The following CSMD2 variants were observed in gnomAD, a reference collection of about 807,000 sequenced individuals.
The protein encoded by CSMD2 is CUB and Sushi multiple domains 2.
In CSMD2, 130 loss-of-function variants were observed where a neutral mutation model predicts 398.5. That is an observed-to-expected ratio of 0.33 (90% CI 0.28 to 0.38). The LOEUF (loss-of-function observed/expected upper bound fraction) is 0.38, where lower values mean the gene tolerates loss of function less well. Ranked by LOEUF, CSMD2 falls within the 10% of genes least tolerant of loss-of-function variation. The pLI, the probability that CSMD2 is intolerant of heterozygous loss-of-function variation, is 1.00. For missense variants in CSMD2, 3,829 were observed against 4,764.9 expected (o/e 0.80, Z 5.78); for synonymous variants, 1,828 against 1,908.5 (o/e 0.96, Z 1.10).
intron 1 of CSMD2, among the ~76,000 whole-genome samples, chr1:34,133,725 A>G (rs1234298596): frequency 1.3e-5 from 2 of 152,012 alleles, no homozygotes. Context: ...CCCATAGTAC[A>G]TCTTGCTACT....
At chr1:33,732,788 T>G (rs1306512277) in intron 15 of CSMD2, among the ~76,000 whole-genome samples, 1 of 152,202 alleles carries the variant, frequency 6.6e-6, no homozygotes, top group Non-Finnish European at 1.5e-5. Context: ...GAATAGGGAA[T>G]GGTGACAGAA....
chr1:33,740,733 G>C (rs1265366387), intron 14 of CSMD2, among the ~76,000 whole-genome samples: 1 of 152,324 alleles, frequency 6.6e-6, no homozygotes, highest in Admixed American at 6.5e-5. Flanking sequence ...ATGATGCTTG[G>C]GGCCCAGAAG....
In CSMD2 at chr1:33,569,145, A is replaced by G. The variant is rs139980864; in HGVS notation, c.8131+229T>C. 5.2e-3 allele frequency among the ~76,000 whole-genome samples: 793 copies of G among 152,344 alleles called. 4 individuals are homozygous for G. Among genetic ancestry groups the G allele is most frequent in the Non-Finnish European group, 8.5e-3 (580 of 68,026 alleles). On this transcript the variant is annotated intron_variant, in intron 52 of 70. Coordinates refer to ENST00000373381, the MANE Select transcript of CSMD2 (RefSeq NM_001281956.2). ...TTTCTAACCAGAATGAGAACCCCTC[A>G]AAAGCTTGTCTCTTTAGATCTGAGG... is the stretch of plus-strand genomic sequence containing the variant.
At chr1:34,094,294 C>G (rs1659006096) in intron 1 of CSMD2, among the ~76,000 whole-genome samples, 1 of 152,126 alleles carries the variant, frequency 6.6e-6, no homozygotes, top group African/African-American at 2.4e-5. Flanking sequence ...GTAGCAGCCA[C>G]TGCAAAATCA....
intron 51 of CSMD2, among the ~76,000 whole-genome samples, chr1:33,569,952 C>T (rs1214510903): frequency 1.3e-5 from 2 of 152,204 alleles, no homozygotes; most frequent in Non-Finnish European, 2.9e-5. Flanking sequence ...GCCCAGCAGC[C>T]TCACACTCTT....
In CSMD2 at chr1:33,707,695, GCACACACACA is replaced by G. The variant is rs200504764; in HGVS notation, c.3576+1384_3576+1393del. 8.1e-3 allele frequency among the ~76,000 whole-genome samples: 743 copies of G among 92,078 alleles called. 3 individuals carry two copies. The highest frequency in any genetic ancestry group is 0.015 in the African/African-American group (255 of 16,972). 60.4% of individuals were successfully genotyped at this position (92,078 alleles called of 152,430 possible). A position where few individuals can be genotyped will look rare whatever the true frequency, so the allele number is the denominator to read the frequency against. ...CGCACGCGTGCACACGCGCGCGCGC[GCACACACACA>G]CACACACACACACACACACACACAC... On this transcript the variant is annotated intron_variant, in intron 22 of 70. Transcript: ENST00000373381.
chr1:34,060,474 GC>G lies in CSMD2; in HGVS notation c.405-27769del, dbSNP rs554681311. 9.7e-3 allele frequency among the ~76,000 whole-genome samples: 1,470 copies of G among 152,278 alleles called. 21 individuals carry two copies. The highest frequency in any genetic ancestry group is 0.032 in the African/African-American group (1,310 of 41,562). On this transcript the variant is annotated intron_variant, in intron 2 of 70. Coordinates refer to ENST00000373381, the MANE Select transcript of CSMD2 (RefSeq NM_001281956.2). Reference sequence around the variant, plus strand: ...AAGACCGGGAGGCGGAGGATGCAGGGCCCCTGGGGGAGGACAGGCAACTGCG... The same window carrying G: ...AAGACCGGGAGGCGGAGGATGCAGGGCCCTGGGGGAGGACAGGCAACTGCG...
rs79327216 is a variant in CSMD2 at position 33,584,399 on chromosome 1, C to T, written c.7052-569G>A. Among the ~76,000 whole-genome samples the T allele has an allele frequency of 5.2e-3, 788 of 152,170 alleles. 10 individuals carry two copies. Among genetic ancestry groups the T allele is most frequent in the African/African-American group, 0.018 (756 of 41,520 alleles). ...TATATAAAATATTACATGCTGGGTG[C>T]GGAGGCTCATGCCTGTAATCCCAGC... On this transcript the variant is annotated intron_variant, in intron 46 of 70. Coordinates refer to ENST00000373381, the MANE Select transcript of CSMD2 (RefSeq NM_001281956.2).
intron 2 of CSMD2, among the ~76,000 whole-genome samples, chr1:34,051,909 T>C (rs950743353): frequency 2.0e-5 from 3 of 152,142 alleles, no homozygotes; most frequent in African/African-American, 7.2e-5. Flanking sequence ...AGATTAACAT[T>C]TGAATCAGTA....
chr1:33,550,048 G>C (rs899252063), intron 56 of CSMD2, 129 bp downstream of exon 56: 4 of 883,522 alleles, frequency 4.5e-6, no homozygotes, highest in Non-Finnish European at 7.1e-6. Context: ...TACCTGTTAG[G>C]GTAGATATAA....
chr1:33,641,902 G>A (rs1035901163), intron 29 of CSMD2, among the ~76,000 whole-genome samples: 3 of 152,150 alleles, frequency 2.0e-5, no homozygotes, highest in African/African-American at 4.8e-5. Flanking sequence ...CGTATTTACC[G>A]AATGAATAAA....
At chr1:33,908,165 T>C (rs1643230667) in intron 5 of CSMD2, among the ~76,000 whole-genome samples, 1 of 149,702 alleles carries the variant, frequency 6.7e-6, no homozygotes, top group Non-Finnish European at 1.5e-5. Flanking sequence ...CTTAAGTCAG[T>C]CTTGGGAACC....
intron 22 of CSMD2, among the ~76,000 whole-genome samples, chr1:33,708,093 A>G (rs1557765727): frequency 6.6e-6 from 1 of 152,182 alleles, no homozygotes; most frequent in Admixed American, 6.5e-5. Flanking sequence ...GACATACACC[A>G]CACATTATTG....
intron 49 of CSMD2, among the ~76,000 whole-genome samples, chr1:33,576,094 A>T (rs1237519234): frequency 2.0e-5 from 3 of 152,222 alleles, no homozygotes; most frequent in African/African-American, 7.2e-5. Context: ...ACAGCTGTCA[A>T]TCGCATACGT....
chr1:33,924,579 T>C (rs192179903), intron 4 of CSMD2, among the ~76,000 whole-genome samples: 145 of 152,336 alleles, frequency 9.5e-4, no homozygotes, highest in Non-Finnish European at 1.3e-3. Flanking sequence ...CTTGATCATA[T>C]GGTAGTTCTA....
chr1:33,786,461 CAT>C, intron 12 of CSMD2, among the ~76,000 whole-genome samples: 1 of 152,354 alleles, frequency 6.6e-6, no homozygotes. Flanking sequence ...CTGCTCCTCT[CAT>C]AGCCCCACAG....
At chr1:33,743,130 TG>T in intron 14 of CSMD2, 149 bp downstream of exon 14, 1 of 636,456 alleles carries the variant, frequency 1.6e-6, no homozygotes, top group Non-Finnish European at 2.7e-6. Context: ...TTGGTCATGC[TG>T]GGAGCTCCAT....
intron 1 of CSMD2, among the ~76,000 whole-genome samples, chr1:34,126,533 G>A (rs935707183): frequency 1.3e-5 from 2 of 152,124 alleles, no homozygotes; most frequent in African/African-American, 4.8e-5. Context: ...ATTATGTGTG[G>A]GACACAAAAG....
chr1:33,632,272 G>A (rs920018891), intron 32 of CSMD2, among the ~76,000 whole-genome samples: 1 of 152,062 alleles, frequency 6.6e-6, no homozygotes, highest in Non-Finnish European at 1.5e-5. Context: ...AACATTGATA[G>A]ATTTGATAGC....
Sources: gnomAD v4.1 joint callset for allele counts (sites outside exome capture counted in the v4.1 genomes callset) on GRCh38, gnomAD v4.1.1 for gene constraint, MANE v1.5 for transcripts, NCBI Gene and HGNC (gene_info 2026-07-23, HGNC 2026-07-21) for gene names.